ERBB4: variants seen among roughly 807,000 people sequenced by gnomAD.
The protein encoded by ERBB4 is receptor tyrosine-protein kinase erbB-4.
In ERBB4, 42 loss-of-function variants were observed where a neutral mutation model predicts 158.0. That is an observed-to-expected ratio of 0.27 (90% CI 0.21 to 0.34). ERBB4 has a LOEUF of 0.34. ERBB4 is among the 10% of genes least tolerant of loss of function. The pLI is 1.00. For synonymous variants in ERBB4, 583 were observed against 558.7 expected (o/e 1.04, Z -0.61); for missense variants, 1,333 against 1,624.1 (o/e 0.82, Z 3.08).
chr2:211,723,250 T>G (rs2074161099), intron 6 of ERBB4, among the ~76,000 whole-genome samples: 1 of 152,216 alleles, frequency 6.6e-6, no homozygotes, highest in African/African-American at 2.4e-5. Context: ...TCAAATTCAT[T>G]TGGGAAGAAT....
intron 20 of ERBB4, among the ~76,000 whole-genome samples, chr2:211,438,348 T>C (rs10165449): frequency 0.37 from 56,017 of 152,040 alleles, 10,500 homozygotes; most frequent in Middle Eastern, 0.4. Context: ...TAGTGAGAGT[T>C]GTGAATATGT....
intron 20 of ERBB4, among the ~76,000 whole-genome samples, chr2:211,547,571 G>A (rs73075151): frequency 3.8e-4 from 58 of 152,044 alleles, no homozygotes; most frequent in African/African-American, 1.4e-3. Flanking sequence ...AAAGCCATAG[G>A]GGAGCAATAA....
At chr2:211,884,330 A>G (rs537096159) in intron 3 of ERBB4, among the ~76,000 whole-genome samples, 1 of 152,300 alleles carries the variant, frequency 6.6e-6, no homozygotes, top group South Asian at 2.1e-4. Flanking sequence ...ACTCTGAAAC[A>G]TGGCACGTCT....
At chr2:211,996,375 G>A (rs765799893) in intron 2 of ERBB4, among the ~76,000 whole-genome samples, 67 of 151,532 alleles carry the variant, frequency 4.4e-4, no homozygotes, top group South Asian at 1.0e-3. Flanking sequence ...TCTGTGTTGG[G>A]CAATATTCAA....
In ERBB4 at chr2:212,274,150, C is replaced by T. The variant is rs113597307; in HGVS notation, c.83-149247G>A. On this transcript the variant is annotated intron_variant, in intron 1 of 27. Coordinates refer to ENST00000342788, the MANE Select transcript of ERBB4 (RefSeq NM_005235.3). ...GTACTGTACTGTATCAATACTCTAA[C>T]TGTATATTATCTCTTTACAAGATGA... Among the ~76,000 whole-genome samples, 772 of 151,942 alleles carry T rather than the reference C, an allele frequency of 5.1e-3. 4 individuals carry two copies. The highest frequency in any genetic ancestry group is 0.017 in the Middle Eastern group (5 of 294).
chr2:211,582,690 T>A (rs1354188489), intron 19 of ERBB4, among the ~76,000 whole-genome samples: 1 of 152,174 alleles, frequency 6.6e-6, no homozygotes, highest in African/African-American at 2.4e-5. Context: ...ACAAATGGTA[T>A]GAAAAACCCA....
rs186317431 is a variant in ERBB4 at position 212,095,821 on chromosome 2, G to C, written c.234+28931C>G. Among the ~76,000 whole-genome samples the C allele has an allele frequency of 3.9e-3, 586 of 151,762 alleles. 3 individuals are homozygous for C. The highest frequency in any genetic ancestry group is 6.5e-3 in the Non-Finnish European group (438 of 67,896). ...GTGGTGGTGGGCGCCTGTAGTCCCA[G>C]CTACTCGGGAGGCTGAGGCAGGAGA... On this transcript the variant is annotated intron_variant, in intron 2 of 27. Transcript: ENST00000342788.
At chr2:211,881,919 G>A (rs1230329615) in intron 3 of ERBB4, among the ~76,000 whole-genome samples, 1 of 152,084 alleles carries the variant, frequency 6.6e-6, no homozygotes, top group Non-Finnish European at 1.5e-5. Flanking sequence ...TTTTTGGGGG[G>A]ATGCTCAAGG....
At chr2:211,969,747 C>T (rs2081399991) in intron 2 of ERBB4, among the ~76,000 whole-genome samples, 1 of 152,016 alleles carries the variant, frequency 6.6e-6, no homozygotes, top group African/African-American at 2.4e-5. Flanking sequence ...GTAATATTCC[C>T]ATTGTCATTT....
chr2:212,435,668 C>A (rs1394614734), intron 1 of ERBB4, among the ~76,000 whole-genome samples: 1 of 151,774 alleles, frequency 6.6e-6, no homozygotes, highest in African/African-American at 2.4e-5. Flanking sequence ...CACGAAATCC[C>A]AGGTTCTAGA....
Position 211,649,841 on chromosome 2 carries a change from T to G in ERBB4, c.1946+7913A>C, listed in dbSNP as rs530497484. Among the ~76,000 whole-genome samples the G allele has an allele frequency of 1.6e-4, 25 of 151,966 alleles. No individual in the cohort carries two copies. In the South Asian group the frequency reaches 4.6e-3, roughly 28 times the overall value. On this transcript the variant is annotated intron_variant, in intron 16 of 27. Coordinates refer to ENST00000342788, the MANE Select transcript of ERBB4 (RefSeq NM_005235.3). Reference sequence around the variant, plus strand: ...GAGTTACTGCAAAATTACAATGAAATTACACCTCTTTGGGTTTAAGGGTAG... The same window carrying G: ...GAGTTACTGCAAAATTACAATGAAAGTACACCTCTTTGGGTTTAAGGGTAG...
chr2:211,557,708 G>C (rs965172954), intron 20 of ERBB4, among the ~76,000 whole-genome samples: 4 of 152,072 alleles, frequency 2.6e-5, no homozygotes, highest in African/African-American at 4.8e-5. Context: ...AAGCAGTCTA[G>C]CAATTCCTCA....
rs552291862 is a variant in ERBB4, at chr2:211,719,279, G to A, written c.883+3114C>T. 2.0e-4 allele frequency among the ~76,000 whole-genome samples: 31 copies of A among 152,254 alleles called. No homozygotes were observed. In the South Asian group the frequency reaches 6.4e-3, roughly 32 times the overall value. ...CCATCAGTCAATGAAGGAACAACTC[G>A]TTATCAATGTTAAAAACTTCTGTGA... On this transcript the variant is annotated intron_variant, in intron 7 of 27. Coordinates refer to ENST00000342788, the MANE Select transcript of ERBB4 (RefSeq NM_005235.3).
intron 1 of ERBB4, chr2:212,426,245 AT>A: frequency 2.0e-6 from 1 of 490,376 alleles, no homozygotes; most frequent in Non-Finnish European, 4.1e-6. Flanking sequence ...TTTTACGTGC[AT>A]TTATTTCCAA....
At chr2:212,232,436 T>G (rs544233653) in intron 1 of ERBB4, among the ~76,000 whole-genome samples, 32 of 152,086 alleles carry the variant, frequency 2.1e-4, no homozygotes, top group African/African-American at 5.8e-4. Flanking sequence ...TGAGACAGAG[T>G]CTTGCTCTGT....
rs549066756 is a variant in ERBB4 at position 212,305,756 on chromosome 2, G to A, written c.83-180853C>T. Reference sequence around the variant, plus strand: ...TTTAAAAGTAAATACAAATAAAACAGAAACAATTACAACATTTACATAATT... The same window carrying A: ...TTTAAAAGTAAATACAAATAAAACAAAAACAATTACAACATTTACATAATT... On this transcript the variant is annotated intron_variant, in intron 1 of 27. Transcript: ENST00000342788. Among the ~76,000 whole-genome samples, 6 of 151,358 alleles carry A rather than the reference G, an allele frequency of 4.0e-5. No individual in the cohort carries two copies. The South Asian group carries it at 1.0e-3, about 26-fold the overall frequency.
rs1402662356 is a variant in ERBB4 at position 211,936,300 on chromosome 2, T to C, written c.421+11130A>G. Among the ~76,000 whole-genome samples the C allele has an allele frequency of 2.0e-5, 3 of 151,966 alleles. No homozygotes were observed. In the East Asian group the frequency reaches 5.8e-4, roughly 29 times the overall value. On this transcript the variant is annotated intron_variant, in intron 3 of 27. Coordinates refer to ENST00000342788, the MANE Select transcript of ERBB4 (RefSeq NM_005235.3). ...GTAAATTGAAAATCAAAAATACCCT[T>C]TTTATATCAGCTTTTTTCAACACTA...
chr2:211,571,454 T>C lies in ERBB4; in HGVS notation c.2302-9366A>G, dbSNP rs1045575305. 2.0e-5 allele frequency among the ~76,000 whole-genome samples: 3 copies of C among 152,316 alleles called. No homozygotes were observed. In the South Asian group the frequency reaches 6.2e-4, roughly 32 times the overall value. On this transcript the variant is annotated intron_variant, in intron 19 of 27. Transcript: ENST00000342788. ...TCGAGATAAAAAATAAAATCCATTA[T>C]CTTCACGTCCAAAGTATCTGTGCCC...
At chr2:212,515,546 T>TATATATA (rs1256913784) in intron 1 of ERBB4, among the ~76,000 whole-genome samples, 3 of 151,738 alleles carry the variant, frequency 2.0e-5, no homozygotes, top group Non-Finnish European at 4.4e-5. Context: ...TAACCCTCAG[T>TATATATA]ATATATAATT....
Sources: allele counts gnomAD v4.1 joint callset (sites outside exome capture counted in the v4.1 genomes callset), GRCh38; gene constraint gnomAD v4.1.1; transcripts MANE v1.5; gene names NCBI Gene and HGNC (gene_info 2026-07-23, HGNC 2026-07-21).